The following SIAE variants were observed in gnomAD, a reference collection of about 807,000 sequenced individuals.
SIAE encodes the protein sialate O-acetylesterase.
SIAE carries 39 observed loss-of-function variants against 52.6 expected under a neutral mutation model. That is an observed-to-expected ratio of 0.74 (90% CI 0.57 to 0.97). The LOEUF is 0.97. Among genes scored for constraint, SIAE ranks in the 50% least tolerant of loss-of-function variants. The pLI is 0.00. For synonymous variants in SIAE, 233 were observed against 241.4 expected (o/e 0.97, Z 0.32); for missense variants, 592 against 662.1 (o/e 0.89, Z 1.16).
upstream of SIAE, chr11:124,674,534 C>T (rs1943432873): frequency 6.6e-6 from 1 of 152,218 alleles, no homozygotes; most frequent in Admixed American, 6.5e-5. Flanking sequence ...TAGCTCAGCC[C>T]GCTGCTTAGC....
At chr11:124,658,977 A>G (rs944956174) in intron 3 of SIAE, 6 of 152,224 alleles carry the variant, frequency 3.9e-5, no homozygotes, top group Admixed American at 6.5e-5. Context: ...TTATCTTGCA[A>G]ACTAAGTGCA....
chr11:124,638,224 G>A lies in SIAE; in HGVS notation c.1320+318C>T, dbSNP rs143497254. ...ATTCTGGAGCAAGGATCCTTCAATA[G>A]GTAACCTACAAATAAAGCTGCAGGC... On this transcript the variant is annotated intron_variant, in intron 9 of 9. Coordinates refer to ENST00000263593, the MANE Select transcript of SIAE (RefSeq NM_170601.5). Among the ~76,000 whole-genome samples the A allele has an allele frequency of 2.5e-3, 386 of 152,330 alleles. 1 individual carries two copies. The highest frequency in any genetic ancestry group is 9.0e-3 in the African/African-American group (376 of 41,572).
At chr11:124,660,297 GAA>G (rs200559016) in intron 3 of SIAE, 1,193 of 233,712 alleles carry the variant, frequency 5.1e-3, no homozygotes, top group East Asian at 9.0e-3. Context: ...TCTCAAAAAA[GAA>G]AAAAAAAAAA....
chr11:124,651,647 A>G (rs1943019466), intron 4 of SIAE, among the ~76,000 whole-genome samples: 1 of 152,196 alleles, frequency 6.6e-6, no homozygotes, highest in South Asian at 2.1e-4. Context: ...TAACACAAAG[A>G]AAGAATATCA....
Position 124,673,703 on chromosome 11 carries a change from G to C in SIAE, c.6C>G (p.Val2=). M[V]APGLVLGLVL... ...CCAGCCCGAGTACAAGCCCCGGCGC[G>C]ACCATGCTTGCAAGGATCTGACCGC... is the stretch of plus-strand genomic sequence containing the variant. The change falls in exon 1 of 10, where the codon GTC becomes GTG. Residue 2 remains valine, a synonymous_variant. Coordinates refer to ENST00000263593, the MANE Select transcript of SIAE (RefSeq NM_170601.5). The C allele has an allele frequency of 1.2e-6, 2 of 1,613,544 alleles. No individual in the cohort carries two copies. Among genetic ancestry groups the C allele is most frequent in the Non-Finnish European group, 1.7e-6 (2 of 1,179,762 alleles).
intron 2 of SIAE, among the ~76,000 whole-genome samples, chr11:124,663,792 A>G (rs1354878894): frequency 1.3e-5 from 2 of 152,164 alleles, no homozygotes; most frequent in Non-Finnish European, 1.5e-5. Context: ...AGTCCAGTTA[A>G]GAGTTTTCAG....
At chr11:124,668,786 C>A (rs1390938804) in intron 2 of SIAE, among the ~76,000 whole-genome samples, 3 of 152,204 alleles carry the variant, frequency 2.0e-5, no homozygotes, top group African/African-American at 7.2e-5. Flanking sequence ...TACATTATGG[C>A]ACTCTCAGTA....
rs1450192622 is a variant in SIAE at position 124,635,157 on chromosome 11, A to G, written c.*1794T>C. ...GGCTGCCCCCGAATTAGAACAGCCC[A>G]TGGGGGTATGTGTATTGGGAGTGGA... On this transcript the variant is annotated 3_prime_UTR_variant, in exon 10 of 10. Coordinates refer to ENST00000263593, the MANE Select transcript of SIAE (RefSeq NM_170601.5). The G allele has an allele frequency of 6.6e-5, 10 of 152,174 alleles. No homozygotes were observed. The highest frequency in any genetic ancestry group is 5.2e-4 in the Admixed American group (8 of 15,280). 9.4% of individuals were successfully genotyped at this position (152,174 alleles called of 1,614,324 possible).
chr11:124,668,908 A>AGG (rs1293917115), intron 2 of SIAE, among the ~76,000 whole-genome samples: 2 of 152,212 alleles, frequency 1.3e-5, no homozygotes, highest in Non-Finnish European at 1.5e-5. Flanking sequence ...TTTTAAGGTA[A>AGG]GAAGGTAAGA....
At chr11:124,652,746 A>G (rs371439019) in intron 4 of SIAE, among the ~76,000 whole-genome samples, 1 of 151,094 alleles carries the variant, frequency 6.6e-6, no homozygotes, top group African/African-American at 2.4e-5. Flanking sequence ...GAGATTCTCA[A>G]CGTGGGAGAG....
intron 4 of SIAE, among the ~76,000 whole-genome samples, chr11:124,650,850 A>G (rs963669666): frequency 6.6e-6 from 1 of 152,244 alleles, no homozygotes; most frequent in Non-Finnish European, 1.5e-5. Flanking sequence ...ATGGACAGAT[A>G]AGTGATGGGA....
Position 124,658,535 on chromosome 11 carries a change from C to T in SIAE, c.405+2093G>A, listed in dbSNP as rs149539309. Among the ~76,000 whole-genome samples, 1,159 of 152,222 alleles carry T rather than the reference C, an allele frequency of 7.6e-3. 8 individuals carry two copies. The highest frequency in any genetic ancestry group is 0.014 in the Admixed American group (220 of 15,290). ...ATTGGCCATCTTTTTCTGAGCATAA[C>T]TAGAAATATCCAAATCTTAAGACCT... On this transcript the variant is annotated intron_variant, in intron 3 of 9. Coordinates refer to ENST00000263593, the MANE Select transcript of SIAE (RefSeq NM_170601.5).
chr11:124,648,244 TCATC>T, intron 5 of SIAE, 69 bp from the exon 6 acceptor site: 1 of 1,130,720 alleles, frequency 8.8e-7, no homozygotes, highest in East Asian at 2.4e-5. Flanking sequence ...CCCTAATTGG[TCATC>T]TATCCACTTT....
In SIAE at chr11:124,636,877, T is replaced by A; in HGVS notation, c.*74A>T. The A allele has an allele frequency of 1.3e-6, 2 of 1,598,442 alleles. No homozygotes were observed. The highest frequency in any genetic ancestry group is 1.7e-6 in the Non-Finnish European group (2 of 1,167,368). ...ATTAATTTCCTTTAAAAGCAATGGTTATTATTGAAACTCCTAAATGCTAAA... is the reference window on the plus strand; with the variant it reads ...ATTAATTTCCTTTAAAAGCAATGGTAATTATTGAAACTCCTAAATGCTAAA... On this transcript the variant is annotated 3_prime_UTR_variant, in exon 10 of 10. Coordinates refer to ENST00000263593, the MANE Select transcript of SIAE (RefSeq NM_170601.5).
intron 4 of SIAE, among the ~76,000 whole-genome samples, chr11:124,653,338 G>C (rs190760227): frequency 6.6e-6 from 1 of 152,194 alleles, no homozygotes. Flanking sequence ...TATAAATGTA[G>C]GAGCATCTGA....
At chr11:124,665,881 G>A (rs1943266732) in intron 2 of SIAE, among the ~76,000 whole-genome samples, 2 of 151,960 alleles carry the variant, frequency 1.3e-5, no homozygotes, top group Admixed American at 1.3e-4. Flanking sequence ...GGGCAGGGAG[G>A]GTTTTAGGCT....
intron 2 of SIAE, among the ~76,000 whole-genome samples, chr11:124,663,574 A>AAAAAT (rs777986582): frequency 1.5e-4 from 23 of 152,344 alleles, no homozygotes; most frequent in African/African-American, 3.8e-4. Context: ...ACTTTGTCTC[A>AAAAAT]AAAATAAAAT....
rs1943070629 is a variant in SIAE at position 124,654,723 on chromosome 11, G to C, written c.476C>G (p.Pro159Arg). 1 of 1,614,142 alleles carries C rather than the reference G, an allele frequency of 6.2e-7. No individual in the cohort carries two copies. Among genetic ancestry groups the C allele is most frequent in the Non-Finnish European group, 8.5e-7 (1 of 1,180,042 alleles). ...CTCCAGCTCCTGCTCTGCTTGAATG[G>C]GAGAGACAGAGAGGATGCGGACAGA... ...YQSVRILSVS[P>R]IQAEQELEDL... Residue 159 changes from proline (P) to arginine (R), a missense_variant, in exon 4 of 10, where the codon CCC becomes CGC. By Grantham distance (103) the Pro-to-Arg change is moderately radical (BLOSUM62 -2). Coordinates refer to ENST00000263593, the MANE Select transcript of SIAE (RefSeq NM_170601.5).
At chr11:124,669,168 C>T (rs909501294) in intron 2 of SIAE, among the ~76,000 whole-genome samples, 192 bp downstream of exon 2, 2 of 152,218 alleles carry the variant, frequency 1.3e-5, no homozygotes, top group Admixed American at 1.3e-4. Flanking sequence ...GGAACTTTGA[C>T]TCAGTCTTAT....
Sources: allele counts gnomAD v4.1 joint callset (sites outside exome capture counted in the v4.1 genomes callset), GRCh38; gene constraint gnomAD v4.1.1; transcripts MANE v1.5; gene names NCBI Gene and HGNC (gene_info 2026-07-23, HGNC 2026-07-21).